ADARB2: variants seen among roughly 807,000 people sequenced by gnomAD.
ADARB2 encodes the protein adenosine deaminase RNA specific B2 (inactive), also known as inactive double-stranded RNA-specific editase B2.
Under a neutral mutation model 62.2 loss-of-function variants are expected in ADARB2, and 25 were observed. That is an observed-to-expected ratio of 0.40 (90% CI 0.29 to 0.56). ADARB2 has a LOEUF of 0.56. ADARB2 is among the 20% of genes least tolerant of loss of function. The probability of loss-of-function intolerance (pLI) is 0.43; values close to 1 mark genes in which losing one functional copy is unlikely to be tolerated. For missense variants in ADARB2, 1,071 were observed against 1,077.4 expected (o/e 0.99, Z 0.08); for synonymous variants, 572 against 500.8 (o/e 1.14, Z -1.90).
chr10:1,613,898 A>G (rs987517941), intron 1 of ADARB2, among the ~76,000 whole-genome samples: 12 of 152,346 alleles, frequency 7.9e-5, no homozygotes, highest in African/African-American at 2.6e-4. Context: ...AGGCTTTCCA[A>G]TTTGATTACT....
chr10:1,541,075 C>T (rs1329141472), intron 1 of ADARB2, among the ~76,000 whole-genome samples: 1 of 87,308 alleles, frequency 1.1e-5, no homozygotes, highest in Non-Finnish European at 2.4e-5. Context: ...AGACCCCACT[C>T]AGATGTAGTT....
chr10:1,265,810 T>A (rs1271588784), intron 4 of ADARB2, among the ~76,000 whole-genome samples: 16 of 136,254 alleles, frequency 1.2e-4, no homozygotes, highest in Admixed American at 2.2e-4. Flanking sequence ...GAAGACGGCC[T>A]GAGAGGGGGG....
chr10:1,412,528 A>C (rs1564283095), intron 1 of ADARB2, among the ~76,000 whole-genome samples: 1 of 152,214 alleles, frequency 6.6e-6, no homozygotes, highest in East Asian at 1.9e-4. Flanking sequence ...CATTCAAAAA[A>C]GTCCAAAACA....
intron 1 of ADARB2, among the ~76,000 whole-genome samples, chr10:1,679,384 T>G (rs1834507649): frequency 6.6e-6 from 1 of 152,148 alleles, no homozygotes; most frequent in Admixed American, 6.5e-5. Flanking sequence ...CTCCCTGAAT[T>G]GTCTCATCAG....
At chr10:1,341,595 A>G (rs1240925084) in intron 3 of ADARB2, among the ~76,000 whole-genome samples, 2 of 149,952 alleles carry the variant, frequency 1.3e-5, no homozygotes, top group Non-Finnish European at 3.0e-5. Flanking sequence ...CCAGAGAACC[A>G]CGCGCCCCAC....
At chr10:1,718,244 G>C (rs1260178144) in intron 1 of ADARB2, among the ~76,000 whole-genome samples, 1 of 152,124 alleles carries the variant, frequency 6.6e-6, no homozygotes, top group Non-Finnish European at 1.5e-5. Flanking sequence ...CTTATATTTG[G>C]TCGTACTTTT....
intron 1 of ADARB2, among the ~76,000 whole-genome samples, chr10:1,433,056 T>A (rs780555487): frequency 7.2e-5 from 11 of 152,084 alleles, no homozygotes; most frequent in Non-Finnish European, 1.3e-4. Context: ...TCTAAAAAAA[T>A]CCTGGTCTGG....
At chr10:1,282,351 G>A (rs1296561424) in intron 3 of ADARB2, among the ~76,000 whole-genome samples, 1 of 152,184 alleles carries the variant, frequency 6.6e-6, no homozygotes, top group Non-Finnish European at 1.5e-5. Context: ...CCCCAGTGAA[G>A]CCCTTTCCGG....
chr10:1,726,368 T>C (rs1047947720), intron 1 of ADARB2, among the ~76,000 whole-genome samples: 9 of 148,040 alleles, frequency 6.1e-5, no homozygotes, highest in African/African-American at 2.2e-4. Flanking sequence ...TCTAATAAGA[T>C]AAGACCAAGA....
rs1363851920 is a variant in ADARB2, at chr10:1,232,543, ATG to A, written c.1513+1149_1513+1150del. Among the ~76,000 whole-genome samples, 10 of 143,236 alleles carry A rather than the reference ATG, an allele frequency of 7.0e-5. No individual in the cohort carries two copies. The South Asian group carries it at 1.1e-3, about 16-fold the overall frequency. 94.0% of individuals were successfully genotyped at this position (143,236 alleles called of 152,430 possible). On this transcript the variant is annotated intron_variant, in intron 6 of 9. Coordinates refer to ENST00000381312, the MANE Select transcript of ADARB2 (RefSeq NM_018702.4). The stretch of plus-strand genomic sequence containing the variant: ...GTGTGTGATGTGTGGTATATGTGGT[ATG>A]TGTGTGTGGTGTATGTGCTATGTGT...
chr10:1,269,441 TTAAC>T (rs1273262051), intron 4 of ADARB2, among the ~76,000 whole-genome samples: 4 of 152,230 alleles, frequency 2.6e-5, no homozygotes, highest in South Asian at 2.1e-4. Flanking sequence ...TTACCAATAA[TTAAC>T]TAACACTTAC....
chr10:1,325,996 C>T (rs1831841228), intron 3 of ADARB2, among the ~76,000 whole-genome samples: 1 of 152,220 alleles, frequency 6.6e-6, no homozygotes, highest in African/African-American at 2.4e-5. Flanking sequence ...TACTAATCAA[C>T]TCTCTCACAG....
intron 1 of ADARB2, among the ~76,000 whole-genome samples, chr10:1,463,503 C>T (rs1020885626): frequency 6.6e-6 from 1 of 152,166 alleles, no homozygotes; most frequent in East Asian, 1.9e-4. Context: ...TTAAGAAGCG[C>T]GCGTATTCAT....
At chr10:1,718,996 T>G (rs1401329253) in intron 1 of ADARB2, among the ~76,000 whole-genome samples, 3 of 134,830 alleles carry the variant, frequency 2.2e-5, no homozygotes, top group Non-Finnish European at 4.7e-5. Flanking sequence ...TGTTGTTGTT[T>G]TTTGAGACGG....
intron 1 of ADARB2, among the ~76,000 whole-genome samples, chr10:1,605,731 A>G (rs1833485915): frequency 6.6e-6 from 1 of 152,218 alleles, no homozygotes; most frequent in Non-Finnish European, 1.5e-5. Flanking sequence ...TTGAAAAGAA[A>G]TGAAATTTCT....
intron 4 of ADARB2, 62 bp from the exon 5 acceptor site, chr10:1,242,361 T>C (rs1830934401): frequency 6.7e-7 from 1 of 1,487,188 alleles, no homozygotes; most frequent in African/African-American, 1.4e-5. Context: ...TCCTCCTCGG[T>C]CTTTTCAGGG....
At chr10:1,444,138 CCACT>C in intron 1 of ADARB2, among the ~76,000 whole-genome samples, 1 of 151,892 alleles carries the variant, frequency 6.6e-6, no homozygotes. Context: ...ATCTACCCAC[CCACT>C]CACTCATTCA....
At chr10:1,292,604 C>T (rs942756029) in intron 3 of ADARB2, 1 of 152,190 alleles carries the variant, frequency 6.6e-6, no homozygotes. Flanking sequence ...GTTCTGTCGC[C>T]ATGAAATCTT....
chr10:1,252,304 C>T (rs1275862846), intron 4 of ADARB2, among the ~76,000 whole-genome samples: 5 of 152,220 alleles, frequency 3.3e-5, no homozygotes, highest in Non-Finnish European at 1.5e-5. Flanking sequence ...TTTTACTCCA[C>T]ATGTAGACTG....
Sources: allele counts gnomAD v4.1 joint callset (sites outside exome capture counted in the v4.1 genomes callset), GRCh38; gene constraint gnomAD v4.1.1; transcripts MANE v1.5; gene names NCBI Gene and HGNC (gene_info 2026-07-23, HGNC 2026-07-21).